HEG1: variants seen among roughly 807,000 people sequenced by gnomAD.
HEG1 encodes the protein heart development protein with EGF like domains 1, also known as protein HEG homolog 1.
HEG1 carries 56 observed loss-of-function variants against 125.6 expected under a neutral mutation model. The ratio of observed to expected loss-of-function variants is 0.45; its 90% CI spans 0.36 to 0.56. The LOEUF is 0.56. HEG1 is among the 20% of genes least tolerant of loss of function. HEG1 has a pLI of 0.00. For missense variants in HEG1, 1,523 were observed against 1,670.0 expected, an observed-to-expected ratio of 0.91 and a Z score of 1.53; for synonymous variants, 644 against 668.5, an observed-to-expected ratio of 0.96 and a Z score of 0.57.
chr3:124,997,561 A>C, intron 12 of HEG1, 128 bp downstream of exon 12: 1 of 839,376 alleles, frequency 1.2e-6, no homozygotes, highest in Non-Finnish European at 1.7e-6. Flanking sequence ...CAAAATAACA[A>C]GAACCAGTTA....
intron 1 of HEG1, among the ~76,000 whole-genome samples, chr3:125,040,789 A>G (rs1322581389): frequency 2.0e-5 from 3 of 152,054 alleles, no homozygotes; most frequent in African/African-American, 7.2e-5. Context: ...CAGACTGAAG[A>G]GGGGCAGACT....
At chr3:125,015,833 T>A (rs941212328) in intron 5 of HEG1, among the ~76,000 whole-genome samples, 2 of 152,198 alleles carry the variant, frequency 1.3e-5, no homozygotes, top group Non-Finnish European at 2.9e-5. Context: ...CTTTTCTGGT[T>A]CTTATTCACA....
intron 14 of HEG1, among the ~76,000 whole-genome samples, chr3:124,987,566 G>C (rs1158184008): frequency 7.1e-6 from 1 of 140,834 alleles, no homozygotes; most frequent in Non-Finnish European, 1.5e-5. Flanking sequence ...TGTGTCGCCC[G>C]GGCCAGAGTG....
intron 15 of HEG1, among the ~76,000 whole-genome samples, chr3:124,976,227 A>G (rs1252985629): frequency 6.6e-6 from 1 of 152,138 alleles, no homozygotes; most frequent in Non-Finnish European, 1.5e-5. Context: ...TGGCTCTGTC[A>G]CCCAGGCTGG....
At chr3:125,041,368 C>T (rs1937592394) in intron 1 of HEG1, among the ~76,000 whole-genome samples, 2 of 152,174 alleles carry the variant, frequency 1.3e-5, no homozygotes, top group Admixed American at 6.5e-5. Flanking sequence ...CTGCAATACA[C>T]CAATGAGTAG....
intron 3 of HEG1, among the ~76,000 whole-genome samples, chr3:125,025,384 G>C (rs897578310): frequency 2.6e-5 from 4 of 152,156 alleles, no homozygotes; most frequent in Non-Finnish European, 5.9e-5. Flanking sequence ...AGGGTGGTGG[G>C]ACTCTACCTC....
intron 1 of HEG1, among the ~76,000 whole-genome samples, chr3:125,045,394 T>C (rs779202331): frequency 5.9e-5 from 9 of 152,230 alleles, no homozygotes; most frequent in Admixed American, 6.5e-5. Flanking sequence ...TTTTATCTTG[T>C]TACACAATTC....
intron 3 of HEG1, among the ~76,000 whole-genome samples, chr3:125,021,678 GC>G (rs1465639371): frequency 1.3e-5 from 2 of 152,294 alleles, no homozygotes; most frequent in East Asian, 3.9e-4. Context: ...TAATTCCTAG[GC>G]TTGTCACCAT....
At chr3:125,048,425 G>A (rs1008000964) in intron 1 of HEG1, among the ~76,000 whole-genome samples, 1 of 152,198 alleles carries the variant, frequency 6.6e-6, no homozygotes, top group Non-Finnish European at 1.5e-5. Flanking sequence ...CCAATCCTGA[G>A]ACAAGGCAAG....
At position 124,997,684 on chromosome 3, in the gene HEG1, G is replaced by T. The variant is rs754044948; in HGVS notation, c.3652+5C>A. 5 of 1,564,646 alleles carry T rather than the reference G, an allele frequency of 3.2e-6. No individual in the cohort carries two copies. Among genetic ancestry groups the T allele is most frequent in the Non-Finnish European group, 3.5e-6 (4 of 1,149,274 alleles). The stretch of plus-strand genomic sequence containing the variant: ...GCACAGAACCCCAGGCGAAGCTGTG[G>T]CTACCTCGGCAGGAGTGGTCCATCT... On this transcript the variant is annotated splice_donor_5th_base_variant and intron_variant, in intron 12 of 16. Transcript: ENST00000311127.
intron 1 of HEG1, among the ~76,000 whole-genome samples, chr3:125,052,370 G>A (rs1027946206): frequency 6.6e-6 from 1 of 152,162 alleles, no homozygotes; most frequent in Non-Finnish European, 1.5e-5. Context: ...TCAGGCGACA[G>A]CTATTTAACA....
At chr3:124,997,905 A>C in intron 11 of HEG1, 82 bp from the exon 12 acceptor site, 76 of 1,385,776 alleles carry the variant, frequency 5.5e-5, no homozygotes, top group Non-Finnish European at 6.8e-5. Flanking sequence ...TTCAAAGCTC[A>C]TGTGTCTGCA....
rs75382018 is a variant in HEG1, at chr3:124,991,054, G to A, written c.3653-68C>T. The A allele has an allele frequency of 0.013, 15,560 of 1,219,840 alleles. 1,066 individuals carry two copies. In the East Asian group the frequency reaches 0.21, roughly 17 times the overall value. The allele number at this position is 1,219,840 out of a possible 1,614,324, so 75.6% of individuals were successfully genotyped here. A position where few individuals can be genotyped will look rare whatever the true frequency, so the allele number is the denominator to read the frequency against. ...CTCCCAAACTCCCAGTTAATTAAACGCCAGCCACCCTAAAGTCCACAAGAT... is the reference window on the plus strand; with the variant it reads ...CTCCCAAACTCCCAGTTAATTAAACACCAGCCACCCTAAAGTCCACAAGAT... On this transcript the variant is annotated intron_variant, in intron 12 of 16. Coordinates refer to ENST00000311127, the MANE Select transcript of HEG1 (RefSeq NM_020733.2).
At chr3:125,014,018 C>A in intron 5 of HEG1, 28 bp from the exon 6 acceptor site, 3 of 1,552,436 alleles carry the variant, frequency 1.9e-6, no homozygotes, top group South Asian at 2.4e-5. Flanking sequence ...AAAGTTAGGT[C>A]AAATAAAAGA....
chr3:125,032,137 C>T (rs62268969), intron 1 of HEG1, among the ~76,000 whole-genome samples: 2,580 of 152,256 alleles, frequency 0.017, 41 homozygotes, highest in African/African-American at 0.042. Context: ...CATAGCCACA[C>T]GTGGCTGGTG....
Position 125,000,242 on chromosome 3 carries a change from C to T in HEG1, c.3517+1610G>A, listed in dbSNP as rs141875995. Among the ~76,000 whole-genome samples, 677 of 152,322 alleles carry T rather than the reference C, an allele frequency of 4.4e-3. 6 individuals carry two copies. The highest frequency in any genetic ancestry group is 0.015 in the African/African-American group (618 of 41,572). On this transcript the variant is annotated intron_variant, in intron 11 of 16. Transcript: ENST00000311127. ...GAGGTACTTTCCCATAAACCATATA[C>T]AAGCAGTCGGAAGAATGGGAGTCAG...
intron 12 of HEG1, among the ~76,000 whole-genome samples, chr3:124,996,115 G>A (rs1936918551): frequency 6.6e-6 from 1 of 151,100 alleles, no homozygotes; most frequent in Admixed American, 6.6e-5. Flanking sequence ...TTTTGAGACA[G>A]ATGTTGCCCA....
chr3:124,991,796 G>A (rs145726587), intron 12 of HEG1, among the ~76,000 whole-genome samples: 3,721 of 152,248 alleles, frequency 0.024, 158 homozygotes, highest in African/African-American at 0.084. Context: ...ATTTTTAGTA[G>A]AGATGAGGTT....
At chr3:125,045,853 C>T (rs1441488240) in intron 1 of HEG1, among the ~76,000 whole-genome samples, 3 of 152,160 alleles carry the variant, frequency 2.0e-5, no homozygotes, top group East Asian at 1.9e-4. Context: ...AAACAGTTAT[C>T]GTCTCCATTT....
Sources: allele counts gnomAD v4.1 joint callset (sites outside exome capture counted in the v4.1 genomes callset), GRCh38; gene constraint gnomAD v4.1.1; transcripts MANE v1.5; gene names NCBI Gene and HGNC (gene_info 2026-07-23, HGNC 2026-07-21).